Variants in RBFOX1 observed in about 807,000 individuals in gnomAD.
The protein encoded by RBFOX1 is RNA binding fox-1 homolog 1.
Under a neutral mutation model 57.7 loss-of-function variants are expected in RBFOX1, and 8 were observed. The ratio of observed to expected loss-of-function variants is 0.14; its 90% CI spans 0.08 to 0.25. The LOEUF is 0.25. RBFOX1 is among the 10% of genes least tolerant of loss of function. The probability of loss-of-function intolerance (pLI) is 1.00; values close to 1 mark genes in which losing one functional copy is unlikely to be tolerated. For missense variants in RBFOX1, 611 were observed against 548.5 expected, an observed-to-expected ratio of 1.11 and a Z score of -1.14; for synonymous variants, 326 against 222.4, an observed-to-expected ratio of 1.47 and a Z score of -4.15.
intron 2 of RBFOX1, among the ~76,000 whole-genome samples, chr16:6,447,915 C>G (rs2094516751): frequency 1.3e-5 from 2 of 152,090 alleles, no homozygotes; most frequent in Admixed American, 6.5e-5. Context: ...ATCACACACG[C>G]TGTCATCCTT....
chr16:7,304,206 GAGAGAGAC>G (rs1210546307), intron 4 of RBFOX1: 15 of 846,746 alleles, frequency 1.8e-5, no homozygotes, highest in Non-Finnish European at 2.0e-5. Context: ...GAGAGACAGA[GAGAGAGAC>G]AGAGAGAGAG....
chr16:7,316,253 T>C (rs77376651), intron 4 of RBFOX1, among the ~76,000 whole-genome samples: 2,811 of 152,340 alleles, frequency 0.018, 91 homozygotes, highest in African/African-American at 0.065. Flanking sequence ...AAGACAACTA[T>C]CTGCTTACAC....
intron 3 of RBFOX1, among the ~76,000 whole-genome samples, chr16:5,634,419 A>G (rs1333838823): frequency 6.6e-6 from 1 of 152,238 alleles, no homozygotes; most frequent in Non-Finnish European, 1.5e-5. Flanking sequence ...CTGTAATTGG[A>G]CACTTACTCA....
intron 3 of RBFOX1, among the ~76,000 whole-genome samples, chr16:6,994,251 A>G (rs1404353772): frequency 6.6e-6 from 1 of 152,190 alleles, no homozygotes; most frequent in Non-Finnish European, 1.5e-5. Context: ...TGGAGAGCAC[A>G]GTTTTATCTA....
chr16:7,706,785 C>T (rs1273653642), intron 14 of RBFOX1, among the ~76,000 whole-genome samples: 2 of 152,138 alleles, frequency 1.3e-5, no homozygotes, highest in Non-Finnish European at 2.9e-5. Flanking sequence ...GACTTCATTC[C>T]CTCATGAAAT....
intron 1 of RBFOX1, among the ~76,000 whole-genome samples, chr16:6,206,471 A>G (rs1351011377): frequency 6.6e-6 from 1 of 152,080 alleles, no homozygotes; most frequent in Non-Finnish European, 1.5e-5. Flanking sequence ...ATTTTTTGTC[A>G]TCCGCTTTCC....
chr16:7,567,229 C>CTA (rs376595353), intron 5 of RBFOX1, among the ~76,000 whole-genome samples: 26,430 of 116,818 alleles, frequency 0.23, 4,721 homozygotes, highest in Non-Finnish European at 0.31. Flanking sequence ...ATATATATCC[C>CTA]TATATATATA....
At chr16:6,742,109 GTTA>G (rs1443321675) in intron 3 of RBFOX1, among the ~76,000 whole-genome samples, 12 of 152,094 alleles carry the variant, frequency 7.9e-5, no homozygotes, top group African/African-American at 2.7e-4. Context: ...AATATATACA[GTTA>G]TTATTGTCAA....
chr16:6,144,073 A>C (rs2096739802), intron 1 of RBFOX1, among the ~76,000 whole-genome samples: 2 of 151,902 alleles, frequency 1.3e-5, no homozygotes, highest in Non-Finnish European at 2.9e-5. Flanking sequence ...TGTTGGGATT[A>C]CAGGTGTGAG....
At chr16:6,771,605 A>T (rs1265355142) in intron 3 of RBFOX1, among the ~76,000 whole-genome samples, 1 of 152,172 alleles carries the variant, frequency 6.6e-6, no homozygotes, top group East Asian at 1.9e-4. Context: ...CTGATGCCTA[A>T]CTCAGCAGTT....
At chr16:6,262,983 C>G (rs1226024293) in intron 1 of RBFOX1, among the ~76,000 whole-genome samples, 1 of 152,152 alleles carries the variant, frequency 6.6e-6, no homozygotes, top group African/African-American at 2.4e-5. Context: ...GGGAAGGCCA[C>G]TTTGAGATGA....
At chr16:5,899,178 C>G (rs910462746) in intron 4 of RBFOX1, among the ~76,000 whole-genome samples, 13 of 148,716 alleles carry the variant, frequency 8.7e-5, no homozygotes, top group Non-Finnish European at 1.9e-4. Context: ...AGGCTACTGA[C>G]TATCCACTGT....
chr16:6,288,049 A>T (rs1475163507), intron 1 of RBFOX1, among the ~76,000 whole-genome samples: 2 of 152,182 alleles, frequency 1.3e-5, no homozygotes, highest in African/African-American at 4.8e-5. Context: ...AACTCTGCTA[A>T]CATGGCTCAC....
At position 6,011,481 on chromosome 16, in the gene RBFOX1, T is replaced by C. The variant is rs549475166; in HGVS notation, c.351+144146T>C. ...GTCTTGAGCTTAAGTTTGTAAGCTT[T>C]GAAAATTTACTTATTTTCCTCTGAG... On this transcript the variant is annotated intron_variant, in intron 4 of 19. Coordinates refer to the RBFOX1 transcript ENST00000641259. Among the ~76,000 whole-genome samples, 15 of 152,348 alleles carry C rather than the reference T, an allele frequency of 9.8e-5. No homozygotes were observed. The South Asian group carries it at 3.1e-3, about 32-fold the overall frequency.
At chr16:5,721,814 C>T (rs911388182) in intron 3 of RBFOX1, among the ~76,000 whole-genome samples, 2 of 152,166 alleles carry the variant, frequency 1.3e-5, no homozygotes, top group Non-Finnish European at 2.9e-5. Flanking sequence ...TGGAAACCTT[C>T]GCAAAGGGCT....
At chr16:6,521,486 CT>C (rs1347239103) in intron 2 of RBFOX1, among the ~76,000 whole-genome samples, 1 of 146,864 alleles carries the variant, frequency 6.8e-6, no homozygotes, top group Non-Finnish European at 1.5e-5. Context: ...TTCCTCTCCC[CT>C]CTCCTCCCGT....
chr16:5,465,487 T>C (rs1421051293), intron 1 of RBFOX1, among the ~76,000 whole-genome samples: 1 of 152,138 alleles, frequency 6.6e-6, no homozygotes, highest in Non-Finnish European at 1.5e-5. Flanking sequence ...AACACAGCCT[T>C]TGAGCAAGGC....
At chr16:5,763,216 C>G (rs964061020) in intron 3 of RBFOX1, among the ~76,000 whole-genome samples, 1 of 152,008 alleles carries the variant, frequency 6.6e-6, no homozygotes, top group African/African-American at 2.4e-5. Flanking sequence ...GCACTTTAAG[C>G]TTTTTCAATT....
intron 3 of RBFOX1, among the ~76,000 whole-genome samples, chr16:5,727,632 T>TA (rs2052202267): frequency 6.6e-6 from 1 of 152,184 alleles, no homozygotes; most frequent in Non-Finnish European, 1.5e-5. Context: ...TCTCCCCATT[T>TA]ACCCACCCTC....
Sources: gnomAD v4.1 joint callset for allele counts (sites outside exome capture counted in the v4.1 genomes callset) on GRCh38, gnomAD v4.1.1 for gene constraint, MANE v1.5 for transcripts, NCBI Gene and HGNC (gene_info 2026-07-23, HGNC 2026-07-21) for gene names.